OXR1: variants seen among roughly 807,000 people sequenced by gnomAD.
The protein encoded by OXR1 is oxidation resistance 1, also known as oxidation resistance protein 1.
OXR1 carries 41 observed loss-of-function variants against 104.6 expected under a neutral mutation model. The observed-to-expected ratio is 0.39, with a 90% CI of 0.31 to 0.51. The LOEUF (loss-of-function observed/expected upper bound fraction) is 0.51. Among genes scored for constraint, OXR1 ranks in the 20% least tolerant of loss-of-function variants. The pLI is 0.77. For missense variants in OXR1, 955 were observed against 1,031.9 expected (o/e 0.93, Z 1.02); for synonymous variants, 348 against 348.4 (o/e 1.00, Z 0.01).
At chr8:106,504,178 A>G (rs1812002016) in intron 2 of OXR1, among the ~76,000 whole-genome samples, 1 of 152,216 alleles carries the variant, frequency 6.6e-6, no homozygotes, top group Non-Finnish European at 1.5e-5. Flanking sequence ...TCAGCTTTGT[A>G]CACATGAAGG....
intron 3 of OXR1, among the ~76,000 whole-genome samples, chr8:106,640,264 A>C (rs1246122035): frequency 6.6e-6 from 1 of 151,694 alleles, no homozygotes; most frequent in Non-Finnish European, 1.5e-5. Context: ...ATATATATAT[A>C]TGTTTGCATA....
chr8:106,663,834 G>T (rs1249873373), intron 3 of OXR1, among the ~76,000 whole-genome samples: 1 of 152,132 alleles, frequency 6.6e-6, no homozygotes. Context: ...TTGCCCACAT[G>T]TCCATAATCC....
At chr8:106,408,708 C>T (rs531437342) in intron 2 of OXR1, among the ~76,000 whole-genome samples, 3 of 152,254 alleles carry the variant, frequency 2.0e-5, no homozygotes, top group African/African-American at 7.2e-5. Flanking sequence ...TGGGTGTAAT[C>T]GTGACTGCCG....
intron 6 of OXR1, 72 bp downstream of exon 6, chr8:106,684,431 T>C (rs1828490777): frequency 1.3e-6 from 1 of 763,894 alleles, no homozygotes; most frequent in Non-Finnish European, 2.3e-6. Context: ...TCTTGTTTTT[T>C]ACATTCCATT....
intron 3 of OXR1, among the ~76,000 whole-genome samples, chr8:106,526,992 G>C (rs754855628): frequency 6.6e-6 from 1 of 152,188 alleles, no homozygotes; most frequent in Non-Finnish European, 1.5e-5. Context: ...TTTTGCTCAG[G>C]AAGGCAGGTG....
intron 3 of OXR1, among the ~76,000 whole-genome samples, chr8:106,538,190 T>A (rs1283238563): frequency 6.6e-6 from 1 of 152,230 alleles, no homozygotes; most frequent in Non-Finnish European, 1.5e-5. Context: ...GCAAATTATG[T>A]GATTTAATAT....
chr8:106,312,558 G>A (rs575113661), intron 1 of OXR1, among the ~76,000 whole-genome samples: 21 of 152,284 alleles, frequency 1.4e-4, no homozygotes, highest in East Asian at 1.2e-3. Context: ...AAAAATCACC[G>A]AGGGCCATAT....
At chr8:106,274,794 A>G (rs549743187) in intron 1 of OXR1, among the ~76,000 whole-genome samples, 2 of 152,302 alleles carry the variant, frequency 1.3e-5, no homozygotes, top group South Asian at 4.1e-4. Flanking sequence ...TATTCTTGCT[A>G]TTAGAGAGGC....
chr8:106,546,865 T>C (rs1022437549), intron 3 of OXR1, among the ~76,000 whole-genome samples: 9 of 152,290 alleles, frequency 5.9e-5, no homozygotes, highest in African/African-American at 2.2e-4. Flanking sequence ...TCCTTTCACA[T>C]ACATAACATG....
chr8:106,374,767 G>C (rs1454198212), intron 2 of OXR1, among the ~76,000 whole-genome samples: 1 of 152,168 alleles, frequency 6.6e-6, no homozygotes, highest in Non-Finnish European at 1.5e-5. Context: ...TTTATAAACA[G>C]CCAGATTCAC....
chr8:106,593,199 G>T (rs1418786353), intron 3 of OXR1, among the ~76,000 whole-genome samples: 1 of 152,066 alleles, frequency 6.6e-6, no homozygotes, highest in Non-Finnish European at 1.5e-5. Context: ...TCCCAATCTT[G>T]AGATCAAGGG....
chr8:106,624,765 A>C (rs145733862), intron 3 of OXR1, among the ~76,000 whole-genome samples: 148 of 152,158 alleles, frequency 9.7e-4, no homozygotes, highest in African/African-American at 3.5e-3. Flanking sequence ...TCATAACATC[A>C]CTTTGAAGTT....
At chr8:106,663,136 T>C (rs776961) in intron 3 of OXR1, among the ~76,000 whole-genome samples, 92,155 of 151,994 alleles carry the variant, frequency 0.61, 28,806 homozygotes, top group African/African-American at 0.76. Flanking sequence ...ATAGCAAGAA[T>C]GATAGCTGTA....
chr8:106,372,776 A>C (rs1470142737), intron 2 of OXR1, among the ~76,000 whole-genome samples: 1 of 152,236 alleles, frequency 6.6e-6, no homozygotes, highest in African/African-American at 2.4e-5. Flanking sequence ...CAAAATCCAA[A>C]AGTATCCAAG....
At chr8:106,727,017 G>C (rs1463921838) in intron 11 of OXR1, among the ~76,000 whole-genome samples, 1 of 152,144 alleles carries the variant, frequency 6.6e-6, no homozygotes, top group African/African-American at 2.4e-5. Context: ...CCCCAAAGCA[G>C]CTTGCCGCCC....
At chr8:106,657,333 G>T (rs774063100) in intron 3 of OXR1, among the ~76,000 whole-genome samples, 9 of 149,066 alleles carry the variant, frequency 6.0e-5, no homozygotes, top group Admixed American at 2.0e-4. Context: ...AAAAAAAAAG[G>T]AAATACAAGC....
chr8:106,705,883 C>A (rs28921416), intron 8 of OXR1, among the ~76,000 whole-genome samples: 2,740 of 152,106 alleles, frequency 0.018, 80 homozygotes, highest in African/African-American at 0.062. Context: ...TTAAGCCTTA[C>A]ATTTGAGCCA....
intron 1 of OXR1, among the ~76,000 whole-genome samples, chr8:106,294,616 AAG>A (rs1222930237): frequency 1.3e-5 from 2 of 151,818 alleles, no homozygotes; most frequent in Non-Finnish European, 2.9e-5. Context: ...GAGAGACAGA[AAG>A]AGAGAGAGAA....
intron 3 of OXR1, among the ~76,000 whole-genome samples, chr8:106,629,651 A>G (rs181179426): frequency 6.6e-6 from 1 of 152,354 alleles, no homozygotes; most frequent in Admixed American, 6.5e-5. Flanking sequence ...CCAGTACAGA[A>G]ATACTTCTAT....
Sources: gnomAD v4.1 joint callset for allele counts (sites outside exome capture counted in the v4.1 genomes callset) on GRCh38, gnomAD v4.1.1 for gene constraint, MANE v1.5 for transcripts, NCBI Gene and HGNC (gene_info 2026-07-23, HGNC 2026-07-21) for gene names.